Variants in MARCHF1 observed in about 807,000 individuals in gnomAD.
The protein encoded by MARCHF1 is membrane associated ring-CH-type finger 1.
In MARCHF1, 40 loss-of-function variants were observed where a neutral mutation model predicts 54.2. The observed-to-expected ratio is 0.74, with a 90% CI of 0.57 to 0.96. The LOEUF is 0.96. Ranked by LOEUF, MARCHF1 falls within the 40% of genes least tolerant of loss-of-function variation. MARCHF1 has a pLI of 0.00. For missense variants in MARCHF1, 586 were observed against 656.5 expected (o/e 0.89, Z 1.17); for synonymous variants, 236 against 236.3 (o/e 1.00, Z 0.01).
At chr4:164,223,075 C>T (rs778288445) in intron 1 of MARCHF1, among the ~76,000 whole-genome samples, 1 of 151,936 alleles carries the variant, frequency 6.6e-6, no homozygotes, top group Non-Finnish European at 1.5e-5. Flanking sequence ...TTCACTACCA[C>T]AAGAACAGTA....
intron 1 of MARCHF1, among the ~76,000 whole-genome samples, chr4:164,303,890 T>C (rs1018627924): frequency 6.6e-6 from 1 of 152,222 alleles, no homozygotes; most frequent in Non-Finnish European, 1.5e-5. Flanking sequence ...AGAGAAGTTA[T>C]AGCCCCTATG....
chr4:164,279,863 A>G (rs186788551), intron 1 of MARCHF1, among the ~76,000 whole-genome samples: 1 of 151,896 alleles, frequency 6.6e-6, no homozygotes, highest in East Asian at 1.9e-4. Flanking sequence ...ATATGGCAAA[A>G]GATACAAATC....
At position 164,326,381 on chromosome 4, in the gene MARCHF1, C is replaced by T. The variant is rs993617210; in HGVS notation, c.-323+57489G>A. 3.9e-5 allele frequency among the ~76,000 whole-genome samples: 6 copies of T among 152,126 alleles called. No individual in the cohort carries two copies. The South Asian group carries it at 8.3e-4, about 21-fold the overall frequency. ...CAAAAGGAAATTAAATTTTCATGAC[C>T]GAAAAGTTGTTATATCAAAGATATT... On this transcript the variant is annotated intron_variant, in intron 1 of 9. Transcript: ENST00000514618.
intron 2 of MARCHF1, among the ~76,000 whole-genome samples, chr4:164,071,821 G>A (rs1299364949): frequency 2.6e-5 from 4 of 152,158 alleles, no homozygotes; most frequent in South Asian, 2.1e-4. Context: ...GCACATATAT[G>A]TAAGTATACA....
chr4:164,152,292 T>C (rs1482310223), intron 1 of MARCHF1, among the ~76,000 whole-genome samples: 1 of 152,176 alleles, frequency 6.6e-6, no homozygotes, highest in Admixed American at 6.6e-5. Flanking sequence ...TTTTAAAATA[T>C]ATATTGTATT....
At chr4:163,771,266 G>A (rs956162935) in intron 4 of MARCHF1, among the ~76,000 whole-genome samples, 1 of 152,218 alleles carries the variant, frequency 6.6e-6, no homozygotes, top group Non-Finnish European at 1.5e-5. Context: ...TACGATGTAC[G>A]GGACACAGCT....
intron 2 of MARCHF1, among the ~76,000 whole-genome samples, chr4:164,039,951 A>T (rs938668667): frequency 6.8e-6 from 1 of 148,120 alleles, no homozygotes; most frequent in Admixed American, 6.8e-5. Context: ...GATAAAATAA[A>T]TTTCACCTCA....
chr4:163,578,728 G>T (rs1740119004), intron 8 of MARCHF1, among the ~76,000 whole-genome samples: 1 of 152,144 alleles, frequency 6.6e-6, no homozygotes, highest in African/African-American at 2.4e-5. Flanking sequence ...TGAATTGCCT[G>T]TACCATTTCC....
chr4:163,904,801 G>GAT (rs5863636), intron 3 of MARCHF1, among the ~76,000 whole-genome samples: 142,271 of 151,820 alleles, frequency 0.94, 67,056 homozygotes, highest in South Asian at 0.99. Flanking sequence ...AAGAGAGAGA[G>GAT]AGAGAGACAG....
At chr4:164,202,659 G>T (rs544316428) in intron 1 of MARCHF1, among the ~76,000 whole-genome samples, 62 of 152,260 alleles carry the variant, frequency 4.1e-4, no homozygotes, top group African/African-American at 1.5e-3. Flanking sequence ...AATTTGATTT[G>T]ATTAAAGTCC....
chr4:164,237,289 C>A (rs1017035861), intron 1 of MARCHF1, among the ~76,000 whole-genome samples: 3 of 152,106 alleles, frequency 2.0e-5, no homozygotes, highest in Non-Finnish European at 4.4e-5. Flanking sequence ...TTCTGTCAAG[C>A]CTGATGGCTT....
At chr4:164,075,809 G>A (rs1056191066) in intron 2 of MARCHF1, among the ~76,000 whole-genome samples, 1 of 152,110 alleles carries the variant, frequency 6.6e-6, no homozygotes, top group Non-Finnish European at 1.5e-5. Flanking sequence ...AGCCCCAAAA[G>A]TTATGCACTG....
At chr4:164,281,017 A>G (rs1351472783) in intron 1 of MARCHF1, among the ~76,000 whole-genome samples, 2 of 152,186 alleles carry the variant, frequency 1.3e-5, no homozygotes, top group Non-Finnish European at 2.9e-5. Context: ...AAAATATGGA[A>G]AAAATCCCAC....
At chr4:163,957,728 T>C (rs541539943) in intron 3 of MARCHF1, among the ~76,000 whole-genome samples, 2 of 152,108 alleles carry the variant, frequency 1.3e-5, no homozygotes, top group South Asian at 4.1e-4. Flanking sequence ...TTGTTGACAA[T>C]TTATAACCTT....
At chr4:164,265,593 A>G (rs113629079) in intron 1 of MARCHF1, among the ~76,000 whole-genome samples, 1 of 151,636 alleles carries the variant, frequency 6.6e-6, no homozygotes, top group East Asian at 1.9e-4. Context: ...TTATGACTCA[A>G]TTGTTTGTAC....
intron 3 of MARCHF1, among the ~76,000 whole-genome samples, chr4:163,884,991 T>C (rs1226574791): frequency 1.3e-5 from 2 of 152,194 alleles, no homozygotes; most frequent in Admixed American, 1.3e-4. Flanking sequence ...CATTTTAGGA[T>C]AAATTGTGAA....
At chr4:163,860,076 A>C (rs1312173456) in intron 3 of MARCHF1, among the ~76,000 whole-genome samples, 2 of 152,120 alleles carry the variant, frequency 1.3e-5, no homozygotes, top group African/African-American at 2.4e-5. Flanking sequence ...CCTGAAAATA[A>C]TTTTTCTTGG....
chr4:163,794,805 A>G (rs1407511328), intron 4 of MARCHF1, among the ~76,000 whole-genome samples: 1 of 152,188 alleles, frequency 6.6e-6, no homozygotes, highest in African/African-American at 2.4e-5. Flanking sequence ...TGTGAGCTTT[A>G]AAAAATTTTA....
At chr4:163,801,154 A>T (rs1748071257) in intron 4 of MARCHF1, among the ~76,000 whole-genome samples, 1 of 152,102 alleles carries the variant, frequency 6.6e-6, no homozygotes, top group Non-Finnish European at 1.5e-5. Context: ...AGTTGGAGGA[A>T]GAACAAAGAT....
Sources: allele counts gnomAD v4.1 joint callset (sites outside exome capture counted in the v4.1 genomes callset), GRCh38; gene constraint gnomAD v4.1.1; transcripts MANE v1.5; gene names NCBI Gene and HGNC (gene_info 2026-07-23, HGNC 2026-07-21).